The following GALR1 variants were observed in gnomAD, a reference collection of about 807,000 sequenced individuals.
GALR1 encodes the protein galanin receptor 1, also known as galanin receptor type 1.
GALR1 carries 11 observed loss-of-function variants against 17.9 expected under a neutral mutation model. That is an observed-to-expected ratio of 0.62 (90% CI 0.39 to 1.02). The LOEUF (loss-of-function observed/expected upper bound fraction) is 1.02, where lower values mean the gene tolerates loss of function less well. Ranked by LOEUF, GALR1 falls within the 50% of genes least tolerant of loss-of-function variation. The pLI is 0.01. For synonymous variants in GALR1, 206 were observed against 205.7 expected, an observed-to-expected ratio of 1.00 and a Z score of -0.01; for missense variants, 441 against 456.9, an observed-to-expected ratio of 0.97 and a Z score of 0.32.
At position 77,256,210 on chromosome 18, in the gene GALR1, C is replaced by A; in HGVS notation, c.719C>A (p.Ala240Glu). Reference protein sequence around the residue: ...KLKNMSKKSEASKKKTAQTVL... With the variant: ...KLKNMSKKSEESKKKTAQTVL... ...AAGAACATGTCAAAGAAGTCTGAAGCATCCAAGAAAAAGGTAATGATCACA... is the reference window on the plus strand; with the variant it reads ...AAGAACATGTCAAAGAAGTCTGAAGAATCCAAGAAAAAGGTAATGATCACA... The change falls in exon 2 of 3, where the codon GCA (alanine) becomes GAA (glutamate). Residue 240 changes from alanine to glutamate, a missense_variant. By Grantham distance (107) the Ala-to-Glu change is moderately radical. Transcript: ENST00000299727. The A allele has an allele frequency of 1.3e-6, 2 of 1,575,410 alleles. No individual in the cohort carries two copies. Among genetic ancestry groups the A allele is most frequent in the Non-Finnish European group, 1.7e-6 (2 of 1,145,466 alleles).
chr18:77,267,556 G>A (rs1017457812), intron 2 of GALR1, among the ~76,000 whole-genome samples: 3 of 152,234 alleles, frequency 2.0e-5, no homozygotes, highest in African/African-American at 7.2e-5. Flanking sequence ...ACTAGAGGTT[G>A]TGTGTGGGTT....
In GALR1 at chr18:77,250,896, C is replaced by A; in HGVS notation, c.348C>A (p.Thr116=). 1 of 1,607,824 alleles carries A rather than the reference C, an allele frequency of 6.2e-7. No individual in the cohort carries two copies. Among genetic ancestry groups the A allele is most frequent in the East Asian group, 2.2e-5 (1 of 44,896 alleles). The part of the protein sequence containing the change: ...FICKFIHYFF[T]VSMLVSIFTL... The stretch of plus-strand genomic sequence containing the variant: ...GCAAGTTCATCCACTACTTCTTCAC[C>A]GTGTCCATGCTGGTGAGCATCTTCA... Residue 116 remains threonine, a synonymous_variant, in exon 1 of 3, where the codon ACC becomes ACA. Transcript: ENST00000299727.
At chr18:77,265,692 C>A (rs1363368312) in intron 2 of GALR1, among the ~76,000 whole-genome samples, 1 of 152,210 alleles carries the variant, frequency 6.6e-6, no homozygotes, top group Non-Finnish European at 1.5e-5. Context: ...GATGGAGGTT[C>A]CCCAACCTCA....
chr18:77,258,854 ATG>A (rs1568141580), intron 2 of GALR1, among the ~76,000 whole-genome samples: 4 of 50,314 alleles, frequency 8.0e-5, no homozygotes, highest in Non-Finnish European at 1.2e-4. Context: ...GGTGGTGGTG[ATG>A]GTGGTGGTGA....
chr18:77,277,881 A>G lies in GALR1; in HGVS notation c.*8979A>G, dbSNP rs1426957813. On this transcript the variant is annotated 3_prime_UTR_variant, in exon 3 of 3. Transcript: ENST00000299727. ...TGGAACCAGTTTTCTTGCATTGAAA[A>G]TAAAATTTGTTCCTCAAAATGCTCT... 1 of 152,164 alleles carries G rather than the reference A, an allele frequency of 6.6e-6. No individual in the cohort carries two copies. The highest frequency in any genetic ancestry group is 1.9e-4 in the East Asian group (1 of 5,200). 9.4% of individuals were successfully genotyped at this position (152,164 alleles called of 1,614,324 possible).
Position 77,268,871 on chromosome 18 carries a change from C to G in GALR1, c.1019C>G (p.Thr340Ser). The change falls in exon 3 of 3, where the codon ACC becomes AGC. Residue 340 changes from threonine to serine, a missense_variant. Transcript: ENST00000299727. Reference protein sequence around the residue: ...DTKESKSRIDTPPSTNCTHV With the variant: ...DTKESKSRIDSPPSTNCTHV ...AAAGAAAGTAAAAGTCGAATAGACA[C>G]CCCACCATCAACCAATTGTACTCAT... 6.2e-7 allele frequency: 1 copy of G among 1,612,762 alleles called. No individual in the cohort carries two copies. Among genetic ancestry groups the G allele is most frequent in the Non-Finnish European group, 8.5e-7 (1 of 1,178,926 alleles).
In GALR1 at chr18:77,271,231, T is replaced by C. The variant is rs1913054968; in HGVS notation, c.*2329T>C. 1 of 139,254 alleles carries C rather than the reference T, an allele frequency of 7.2e-6. No homozygotes were observed. The highest frequency in any genetic ancestry group is 1.5e-5 in the Non-Finnish European group (1 of 65,710). The allele number at this position is 139,254 out of a possible 1,614,324, so 8.6% of individuals were successfully genotyped here. ...GCTTGAGGCATGGTACAAAAAGTAA[T>C]AGCTTGCGCTTGAAACCCCCCCCCC... is the stretch of plus-strand genomic sequence containing the variant. On this transcript the variant is annotated 3_prime_UTR_variant, in exon 3 of 3. Transcript: ENST00000299727.
Position 77,268,833 on chromosome 18 carries a change from C to T in GALR1, c.981C>T (p.His327=), listed in dbSNP as rs1599365638. The change falls in exon 3 of 3, where the codon CAC becomes CAT. Residue 327 remains histidine (H), a synonymous_variant. Transcript: ENST00000299727. ...VFKCHIRKDS[H]LSDTKESKSR... is the part of the protein sequence containing the mutation. ...AGTGTCACATTCGCAAAGATTCACA[C>T]CTGAGTGATACTAAAGAAAGTAAAA... 5.0e-6 allele frequency: 8 copies of T among 1,613,830 alleles called. No homozygotes were observed. Among genetic ancestry groups the T allele is most frequent in the African/African-American group, 2.7e-5 (2 of 75,040 alleles).
At chr18:77,258,763 A>G (rs1327115457) in intron 2 of GALR1, among the ~76,000 whole-genome samples, 1 of 48,316 alleles carries the variant, frequency 2.1e-5, no homozygotes, top group African/African-American at 8.1e-5. Context: ...TGATGATGGC[A>G]ATTGTGATAG....
intron 2 of GALR1, among the ~76,000 whole-genome samples, chr18:77,260,459 A>C (rs747459773): frequency 1.3e-5 from 2 of 152,160 alleles, no homozygotes; most frequent in African/African-American, 2.4e-5. Context: ...TCCCATTATG[A>C]GGGCTCCCCC....
At chr18:77,264,285 C>A (rs1345595130) in intron 2 of GALR1, among the ~76,000 whole-genome samples, 2 of 152,014 alleles carry the variant, frequency 1.3e-5, no homozygotes, top group African/African-American at 2.4e-5. Context: ...GTCCTATGTC[C>A]CAAGGGAAAA....
chr18:77,270,528 A>ATGTGTGTGTG lies in GALR1; in HGVS notation c.*1652_*1661dup, dbSNP rs34420045. The ATGTGTGTGTG allele has an allele frequency of 2.1e-4, 30 of 143,206 alleles. No individual in the cohort carries two copies. The highest frequency in any genetic ancestry group is 1.4e-3 in the South Asian group (6 of 4,410). 8.9% of individuals were successfully genotyped at this position (143,206 alleles called of 1,614,324 possible). A position where few individuals can be genotyped will look rare whatever the true frequency, so the allele number is the denominator to read the frequency against. ...GACTCTGTCTAAAATATATATATAT[A>ATGTGTGTGTG]TGTGTGTGTGTGTGTGTGTGTGTGT... On this transcript the variant is annotated 3_prime_UTR_variant, in exon 3 of 3. Transcript: ENST00000299727.
intron 1 of GALR1, 100 bp from the exon 2 acceptor site, chr18:77,256,058 G>T: frequency 1.4e-6 from 1 of 700,066 alleles, no homozygotes. Flanking sequence ...CTTATAAATA[G>T]TGATGTTACC....
chr18:77,261,436 A>G (rs1480442047), intron 2 of GALR1, among the ~76,000 whole-genome samples: 2 of 152,214 alleles, frequency 1.3e-5, no homozygotes, highest in African/African-American at 4.8e-5. Context: ...CTCGTCCTCC[A>G]CAGAGGGGAG....
At chr18:77,268,539 ACCG>A in intron 2 of GALR1, 43 bp from the exon 3 acceptor site, 1 of 1,275,462 alleles carries the variant, frequency 7.8e-7, no homozygotes, top group Non-Finnish European at 1.1e-6. Context: ...CTTCTCCCTT[ACCG>A]CCTCCTCCTC....
In GALR1 at chr18:77,272,587, T is replaced by A. The variant is rs1913085302; in HGVS notation, c.*3685T>A. ...CCTCTGGAAAGTTACTGTCTAAAATTTGTAAATTTTAATCTTCACTGTTGC... is the reference window on the plus strand; with the variant it reads ...CCTCTGGAAAGTTACTGTCTAAAATATGTAAATTTTAATCTTCACTGTTGC... On this transcript the variant is annotated 3_prime_UTR_variant, in exon 3 of 3. Transcript: ENST00000299727. 6.6e-6 allele frequency: 1 copy of A among 152,230 alleles called. No homozygotes were observed. The highest frequency in any genetic ancestry group is 2.4e-5 in the African/African-American group (1 of 41,458). 9.4% of individuals were successfully genotyped at this position (152,230 alleles called of 1,614,324 possible).
intron 1 of GALR1, among the ~76,000 whole-genome samples, chr18:77,251,763 C>T (rs1435566695): frequency 6.6e-6 from 1 of 152,180 alleles, no homozygotes; most frequent in African/African-American, 2.4e-5. Context: ...GGGGGGGACT[C>T]GCGGGGCGGC....
At chr18:77,260,588 C>T (rs748472925) in intron 2 of GALR1, among the ~76,000 whole-genome samples, 6 of 152,148 alleles carry the variant, frequency 3.9e-5, no homozygotes, top group Non-Finnish European at 7.3e-5. Flanking sequence ...GAGATGGTGC[C>T]GCCGTCCATA....
At chr18:77,252,923 T>TCACCACCACCACCATCACCACCATCAC (rs1912475762) in intron 1 of GALR1, among the ~76,000 whole-genome samples, 1 of 84,668 alleles carries the variant, frequency 1.2e-5, no homozygotes, top group Non-Finnish European at 2.3e-5. Context: ...ACCACCACCA[T>TCACCACCACCACCATCACCACCATCAC]CACCACCACC....
Sources: allele counts gnomAD v4.1 joint callset (sites outside exome capture counted in the v4.1 genomes callset), GRCh38; gene constraint gnomAD v4.1.1; transcripts MANE v1.5; gene names NCBI Gene and HGNC (gene_info 2026-07-23, HGNC 2026-07-21).